Variants in USP35 observed in about 807,000 individuals in gnomAD.
USP35 encodes the protein ubiquitin specific peptidase 35.
Under a neutral mutation model 83.8 loss-of-function variants are expected in USP35, and 69 were observed. That is an observed-to-expected ratio of 0.82 (90% confidence interval 0.68 to 1.01). USP35 has a LOEUF of 1.01. Among genes scored for constraint, USP35 ranks in the 50% least tolerant of loss-of-function variants. The probability of loss-of-function intolerance (pLI) is 0.00; values close to 1 mark genes in which losing one functional copy is unlikely to be tolerated. For synonymous variants in USP35, 714 were observed against 589.5 expected (o/e 1.21, Z -3.06); for missense variants, 1,503 against 1,362.5 (o/e 1.10, Z -1.62).
At chr11:78,223,204 A>G in the USP35 span, among the ~76,000 whole-genome samples, 1 of 152,294 alleles carries the variant, frequency 6.6e-6, no homozygotes, top group Admixed American at 6.5e-5. Flanking sequence ...TATGTACCAA[A>G]GTACTATCCT....
rs372798839 is a variant in USP35 at position 78,205,955 on chromosome 11, C to T, written c.1311C>T (p.Asp437=). Residue 437 remains aspartate (D), a synonymous_variant, in exon 7 of 11, where the codon GAC becomes GAT. Transcript: ENST00000529308. ...GFYPRLMAKS[D]TGKIGLINLG... is the part of the protein sequence containing the mutation. ...ATCCCCGGCTCATGGCCAAGTCAGA[C>T]ACGGGCAAGATTGGTCTCATCAACC... 4 of 1,614,148 alleles carry T rather than the reference C, an allele frequency of 2.5e-6. No individual in the cohort carries two copies. In the African/African-American group the frequency reaches 4.0e-5, roughly 16 times the overall value.
chr11:78,230,778 TCTCTGGG>T, the USP35 span, among the ~76,000 whole-genome samples: 1 of 152,250 alleles, frequency 6.6e-6, no homozygotes, highest in Admixed American at 6.5e-5. Context: ...AGCAGCCAGG[TCTCTGGG>T]TGCCCCCACT....
At chr11:78,227,811 C>T in the USP35 span, among the ~76,000 whole-genome samples, 21 of 151,950 alleles carry the variant, frequency 1.4e-4, no homozygotes, top group Non-Finnish European at 2.5e-4. Flanking sequence ...AAAAAACACA[C>T]GCCCCAACAC....
Position 78,196,469 on chromosome 11 carries a change from T to A in USP35, c.224T>A (p.Val75Asp), listed in dbSNP as rs1423117514. 1.6e-6 allele frequency: 2 copies of A among 1,247,836 alleles called. No homozygotes were observed. Among genetic ancestry groups the A allele is most frequent in the Non-Finnish European group, 2.0e-6 (2 of 995,142 alleles). The allele number at this position is 1,247,836 out of a possible 1,614,324, so 77.3% of individuals were successfully genotyped here. ...GTGGCCGGCCGCCACCACCCCGACG[T>A]CTTCGCCGAGTTCTTCAGCGCGCGT... The part of the protein sequence containing the change: ...LHVAGRHHPD[V>D]FAEFFSARRV... Residue 75 changes from valine to aspartate, a missense_variant, in exon 2 of 11, where the codon GTC becomes GAC. Val to Asp is a radical substitution (Grantham distance 152). Transcript: ENST00000529308. The surrounding 1 kb of genome is among the most constrained non-coding windows in gnomAD (Gnocchi z 4.8).
At chr11:78,231,707 T>TA in the USP35 span, 1 of 152,230 alleles carries the variant, frequency 6.6e-6, no homozygotes, top group South Asian at 2.1e-4. Context: ...TTGTACTTGT[T>TA]CTTCCACACA....
At position 78,213,644 on chromosome 11, in the gene USP35, A is replaced by G; in HGVS notation, c.2890-2A>G. 2.0e-6 allele frequency: 3 copies of G among 1,483,548 alleles called. No individual in the cohort carries two copies. In the South Asian group the frequency reaches 4.3e-5, roughly 21 times the overall value. The allele number at this position is 1,483,548 out of a possible 1,614,324, so 91.9% of individuals were successfully genotyped here. ...TAAGTCTCCTCTCATCTGTGTTCCC[A>G]GGAGCAGGAGAAGGAGGCCCGGAGC... On this transcript the variant is annotated splice_acceptor_variant, in intron 10 of 10. Coordinates refer to ENST00000529308, the MANE Select transcript of USP35 (RefSeq NM_020798.4). LOFTEE classifies it high-confidence loss of function.
rs192314614 is a variant in USP35 at position 78,213,798 on chromosome 11, C to T, written c.3042C>T (p.His1014=). Residue 1014 remains histidine, a synonymous_variant, in exon 11 of 11, where the codon CAC becomes CAT. Transcript: ENST00000529308. ...NPAGGNGGDF[H]RLVF is the part of the protein sequence containing the mutation. ...CAGGTGGCAATGGTGGTGACTTCCA[C>T]AGACTGGTCTTCTAATGTGAACCTG... 3 of 1,553,652 alleles carry T rather than the reference C, an allele frequency of 1.9e-6. No individual in the cohort carries two copies. The highest frequency in any genetic ancestry group is 4.3e-5 in the Admixed American group (2 of 46,686).
chr11:78,214,159 G>A lies in USP35; in HGVS notation c.*346G>A, dbSNP rs986652683. The A allele has an allele frequency of 2.0e-5, 4 of 204,820 alleles. No individual in the cohort carries two copies. Among genetic ancestry groups the A allele is most frequent in the Admixed American group, 6.2e-5 (1 of 16,208 alleles). 12.7% of individuals were successfully genotyped at this position (204,820 alleles called of 1,614,324 possible). ...AAACAGGCTAGACCTCAGCTCCAAT[G>A]TTTTGACATCAAGTACTATTTTCCT... On this transcript the variant is annotated 3_prime_UTR_variant, in exon 11 of 11. Coordinates refer to ENST00000529308, the MANE Select transcript of USP35 (RefSeq NM_020798.4).
At chr11:78,201,328 C>A (rs1450209442) in intron 6 of USP35, among the ~76,000 whole-genome samples, 2 of 152,202 alleles carry the variant, frequency 1.3e-5, no homozygotes, top group African/African-American at 4.8e-5. Context: ...AATTTACAGT[C>A]GTTCACATGA....
chr11:78,221,659 G>A, the USP35 span: 40 of 1,528,266 alleles, frequency 2.6e-5, no homozygotes, highest in South Asian at 1.8e-4. Context: ...TCATTCCAGC[G>A]AAGCCCGAAG....
At chr11:78,235,836 T>C in the USP35 span, among the ~76,000 whole-genome samples, 1 of 152,220 alleles carries the variant, frequency 6.6e-6, no homozygotes, top group Non-Finnish European at 1.5e-5. Flanking sequence ...CCTGTCTTCT[T>C]CTGAGCCCTC....
intron 9 of USP35, among the ~76,000 whole-genome samples, chr11:78,209,197 G>A (rs893283394): frequency 3.9e-5 from 6 of 152,178 alleles, no homozygotes; most frequent in African/African-American, 9.7e-5. Flanking sequence ...ACACCGGGCC[G>A]TGCATCTTTG....
the USP35 span, among the ~76,000 whole-genome samples, chr11:78,222,859 A>C: frequency 2.6e-5 from 4 of 152,206 alleles, no homozygotes; most frequent in Non-Finnish European, 5.9e-5. Context: ...TTGGGGTTAC[A>C]GGCGTACAGG....
At position 78,213,883 on chromosome 11, in the gene USP35, C is replaced by G. The variant is rs1249287686; in HGVS notation, c.*70C>G. The G allele has an allele frequency of 6.7e-7, 1 of 1,502,912 alleles. No individual in the cohort carries two copies. The highest frequency in any genetic ancestry group is 8.8e-7 in the Non-Finnish European group (1 of 1,134,318). 93.1% of individuals were successfully genotyped at this position (1,502,912 alleles called of 1,614,324 possible). ...TAGGGCCTGAGGGAAGCTGTGGAGG[C>G]AGGCCCTACCAAGAGGAAGGATGGT... On this transcript the variant is annotated 3_prime_UTR_variant, in exon 11 of 11. Coordinates refer to ENST00000529308, the MANE Select transcript of USP35 (RefSeq NM_020798.4).
At chr11:78,197,645 C>A (rs1176724491) in intron 2 of USP35, among the ~76,000 whole-genome samples, 1 of 152,218 alleles carries the variant, frequency 6.6e-6, no homozygotes, top group Non-Finnish European at 1.5e-5. Context: ...AGCCCTCCCA[C>A]CTTCTCTAGC....
chr11:78,225,658 G>A, the USP35 span, among the ~76,000 whole-genome samples: 3 of 152,196 alleles, frequency 2.0e-5, no homozygotes, highest in Non-Finnish European at 2.9e-5. Context: ...TCAAATTGTC[G>A]ATGGATTGAA....
chr11:78,215,916 G>A (rs1302354746), downstream of USP35: 1 of 152,722 alleles, frequency 6.5e-6, no homozygotes, highest in Admixed American at 6.5e-5. Context: ...CCAGAGGGAG[G>A]ATGAGCTGAG....
chr11:78,224,666 G>GC, the USP35 span, among the ~76,000 whole-genome samples: 16 of 152,292 alleles, frequency 1.1e-4, no homozygotes, highest in Admixed American at 2.6e-4. Flanking sequence ...ACTGCGGTTA[G>GC]CATCTTCCAG....
In USP35 at chr11:78,214,566, G is replaced by A. The variant is rs1437249630; in HGVS notation, c.*753G>A. ...TCTTAGGAAGCCTGTGGGCTCCTCT[G>A]AGCAGTTGGCCTTTGTAGCTGCAAC... On this transcript the variant is annotated 3_prime_UTR_variant, in exon 11 of 11. Coordinates refer to ENST00000529308, the MANE Select transcript of USP35 (RefSeq NM_020798.4). 3.3e-5 allele frequency: 5 copies of A among 152,266 alleles called. No homozygotes were observed. The highest frequency in any genetic ancestry group is 1.3e-4 in the Admixed American group (2 of 15,284). The allele number at this position is 152,266 out of a possible 1,614,324, so 9.4% of individuals were successfully genotyped here. A position where few individuals can be genotyped will look rare whatever the true frequency, so the allele number is the denominator to read the frequency against.
Sources: allele counts gnomAD v4.1 joint callset (sites outside exome capture counted in the v4.1 genomes callset), GRCh38; gene constraint gnomAD v4.1.1; non-coding constraint Gnocchi (gnomAD v3.1); transcripts MANE v1.5; gene names NCBI Gene and HGNC (gene_info 2026-07-23, HGNC 2026-07-21).